Variants in STK39 observed in about 807,000 individuals in gnomAD.
The protein encoded by STK39 is serine/threonine kinase 39.
In STK39, 20 loss-of-function variants were observed where a neutral mutation model predicts 77.8. The ratio of observed to expected loss-of-function variants is 0.26; its 90% CI spans 0.18 to 0.37. The LOEUF (loss-of-function observed/expected upper bound fraction) is 0.37, where lower values mean the gene tolerates loss of function less well. Ranked by LOEUF, STK39 falls within the 10% of genes least tolerant of loss-of-function variation. STK39 has a pLI of 1.00. For synonymous variants in STK39, 246 were observed against 234.1 expected (o/e 1.05, Z -0.47); for missense variants, 479 against 656.5 (o/e 0.73, Z 2.95).
chr2:168,144,043 C>T (rs768256442), intron 5 of STK39, among the ~76,000 whole-genome samples: 18 of 152,280 alleles, frequency 1.2e-4, no homozygotes, highest in Non-Finnish European at 1.8e-4. Context: ...ATCACCTTTG[C>T]GTAATTTGAT....
chr2:168,062,548 G>A (rs1685690471), intron 14 of STK39, among the ~76,000 whole-genome samples: 3 of 152,184 alleles, frequency 2.0e-5, no homozygotes, highest in Admixed American at 6.5e-5. Flanking sequence ...ACCATCAGAA[G>A]TGAGGGGTGA....
intron 12 of STK39, among the ~76,000 whole-genome samples, chr2:168,071,883 A>AG (rs1685950921): frequency 6.6e-6 from 1 of 152,028 alleles, no homozygotes; most frequent in South Asian, 2.1e-4. Context: ...AAAAAAAAAA[A>AG]AAAATTCAAA....
chr2:168,021,981 T>C lies in STK39; in HGVS notation c.1377-4886A>G, dbSNP rs566482134. Among the ~76,000 whole-genome samples, 84 of 152,320 alleles carry C rather than the reference T, an allele frequency of 5.5e-4. 2 individuals carry two copies. Among genetic ancestry groups the C allele is most frequent in the African/African-American group, 1.9e-3 (81 of 41,574 alleles). On this transcript the variant is annotated intron_variant, in intron 14 of 17. Coordinates refer to ENST00000355999, the MANE Select transcript of STK39 (RefSeq NM_013233.3). Reference sequence around the variant, plus strand: ...TGTTTTATGCATGTACCAGCAAATATACATATATATTGAATACAGATGATA... The same window carrying C: ...TGTTTTATGCATGTACCAGCAAATACACATATATATTGAATACAGATGATA...
At chr2:168,089,589 T>G (rs558354548) in intron 10 of STK39, among the ~76,000 whole-genome samples, 342 of 152,298 alleles carry the variant, frequency 2.2e-3, no homozygotes, top group Non-Finnish European at 3.5e-3. Flanking sequence ...GCAATACATG[T>G]TAACAACTTA....
intron 7 of STK39, among the ~76,000 whole-genome samples, chr2:168,139,450 A>T (rs1279299646): frequency 6.6e-6 from 1 of 150,588 alleles, no homozygotes; most frequent in African/African-American, 2.4e-5. Flanking sequence ...ATTACACTGA[A>T]ACCTTAGTAG....
chr2:168,037,325 T>C (rs187764685), intron 14 of STK39, among the ~76,000 whole-genome samples: 1 of 152,340 alleles, frequency 6.6e-6, no homozygotes, highest in Admixed American at 6.5e-5. Flanking sequence ...TTCAGTCTAT[T>C]AGAGCTTTCT....
chr2:168,205,127 G>C (rs1421486958), intron 1 of STK39, among the ~76,000 whole-genome samples: 2 of 152,218 alleles, frequency 1.3e-5, no homozygotes, highest in Non-Finnish European at 2.9e-5. Context: ...GTGATGGAGA[G>C]ATGGGTATTC....
chr2:168,208,629 C>T (rs928884110), intron 1 of STK39, among the ~76,000 whole-genome samples: 13 of 152,164 alleles, frequency 8.5e-5, no homozygotes, highest in African/African-American at 1.4e-4. Context: ...CATTTAGACA[C>T]GTGTGATAGA....
intron 12 of STK39, among the ~76,000 whole-genome samples, chr2:168,068,860 G>C (rs1053248947): frequency 2.6e-5 from 4 of 152,134 alleles, no homozygotes; most frequent in African/African-American, 9.7e-5. Context: ...ATCTCCATAT[G>C]GGTATAGAAC....
intron 12 of STK39, among the ~76,000 whole-genome samples, chr2:168,069,687 GTCCTTGA>G (rs1377468928): frequency 6.6e-6 from 1 of 152,190 alleles, no homozygotes; most frequent in Non-Finnish European, 1.5e-5. Context: ...TTCCTAGCCA[GTCCTTGA>G]TCCTAGCTGT....
intron 2 of STK39, among the ~76,000 whole-genome samples, chr2:168,179,915 G>A (rs1194718012): frequency 6.6e-6 from 1 of 152,194 alleles, no homozygotes; most frequent in Non-Finnish European, 1.5e-5. Context: ...GTAGAAACCA[G>A]AGACCATAGC....
rs542979086 is a variant in STK39 at position 168,100,678 on chromosome 2, A to G, written c.1090-25447T>C. 8.5e-5 allele frequency among the ~76,000 whole-genome samples: 13 copies of G among 152,314 alleles called. No individual in the cohort carries two copies. In the East Asian group the frequency reaches 2.5e-3, roughly 29 times the overall value. ...ATTTTTGCAATCTATCCATCTGACA[A>G]AGGGCTAATATCCAGAATCTACAAA... On this transcript the variant is annotated intron_variant, in intron 10 of 17. Transcript: ENST00000355999.
chr2:168,016,952 G>GT, intron 15 of STK39, 91 bp downstream of exon 15: 1 of 1,027,774 alleles, frequency 9.7e-7, no homozygotes. Flanking sequence ...AAACAAAGCA[G>GT]TTTTAAATAG....
chr2:168,187,171 T>C (rs1184989326), intron 1 of STK39, among the ~76,000 whole-genome samples: 1 of 152,034 alleles, frequency 6.6e-6, no homozygotes, highest in South Asian at 2.1e-4. Flanking sequence ...ACCAGCATGG[T>C]GAAACCCCGT....
At chr2:168,090,291 T>TTGAA (rs35981068) in intron 10 of STK39, among the ~76,000 whole-genome samples, 5,799 of 151,486 alleles carry the variant, frequency 0.038, 247 homozygotes, top group East Asian at 0.19. Flanking sequence ...GATACATTTG[T>TTGAA]TGAATGAATG....
chr2:167,982,487 G>A lies in STK39; in HGVS notation c.1499-17761C>T, dbSNP rs975569155. On this transcript the variant is annotated intron_variant, in intron 16 of 17. Transcript: ENST00000355999. ...TTGATAGGTTATTCCCTAAGAAGGT[G>A]ATGTAACAGGCACAGCTGCAGGAGG... 3.9e-5 allele frequency among the ~76,000 whole-genome samples: 6 copies of A among 152,194 alleles called. No homozygotes were observed. In the South Asian group the frequency reaches 1.2e-3, roughly 32 times the overall value.
chr2:168,236,237 G>A (rs1485388201), intron 1 of STK39, among the ~76,000 whole-genome samples: 1 of 152,098 alleles, frequency 6.6e-6, no homozygotes, highest in Non-Finnish European at 1.5e-5. Context: ...GTGTCTTTTG[G>A]CTGCATAAAT....
At chr2:168,147,295 G>T (rs1204872763) in intron 5 of STK39, among the ~76,000 whole-genome samples, 1 of 152,114 alleles carries the variant, frequency 6.6e-6, no homozygotes, top group Non-Finnish European at 1.5e-5. Context: ...AAATTGAAAT[G>T]TTCTTCTAAA....
intron 1 of STK39, among the ~76,000 whole-genome samples, chr2:168,194,398 C>T (rs1689418707): frequency 6.6e-6 from 1 of 151,952 alleles, no homozygotes. Flanking sequence ...CCAGCCTGGG[C>T]AACAGAGCGA....
Sources: gnomAD v4.1 joint callset for allele counts (sites outside exome capture counted in the v4.1 genomes callset) on GRCh38, gnomAD v4.1.1 for gene constraint, MANE v1.5 for transcripts, NCBI Gene and HGNC (gene_info 2026-07-23, HGNC 2026-07-21) for gene names.